Variants in MTO1 observed in about 807,000 individuals in gnomAD.
MTO1 encodes 5-taurinomethyluridine-[tRNA] synthase subunit MTO1, mitochondrial.
In MTO1, 46 loss-of-function variants were observed where a neutral mutation model predicts 71.6. That is an observed-to-expected ratio of 0.64 (90% CI 0.51 to 0.82). MTO1 has a LOEUF of 0.82. Among genes scored for constraint, MTO1 ranks in the 40% least tolerant of loss-of-function variants. MTO1 has a pLI of 0.00. For synonymous variants in MTO1, 297 were observed against 312.1 expected (o/e 0.95, Z 0.51); for missense variants, 773 against 867.5 (o/e 0.89, Z 1.37).
At chr6:73,473,720 A>AATT in intron 4 of MTO1, 66 bp downstream of exon 4, 3 of 1,039,462 alleles carry the variant, frequency 2.9e-6, no homozygotes, top group Non-Finnish European at 3.8e-6. Context: ...AAGTACTGTA[A>AATT]CTTTTTTTTT....
At chr6:73,480,651 T>C in intron 6 of MTO1, 24 bp from the exon 7 acceptor site, 1 of 1,612,736 alleles carries the variant, frequency 6.2e-7, no homozygotes, top group Non-Finnish European at 8.5e-7. Flanking sequence ...ATTTACTTAT[T>C]TAATGTCTTT....
intron 9 of MTO1, 148 bp from the exon 10 acceptor site, chr6:73,492,086 A>C: frequency 1.9e-6 from 1 of 537,952 alleles, no homozygotes; most frequent in Non-Finnish European, 3.3e-6. Flanking sequence ...GATGGGCGAC[A>C]GAGCGAGACT....
chr6:73,461,951 C>A lies in MTO1; in HGVS notation c.97C>A (p.Arg33=). 1.2e-6 allele frequency: 2 copies of A among 1,614,240 alleles called. No individual in the cohort carries two copies. The highest frequency in any genetic ancestry group is 1.7e-6 in the Non-Finnish European group (2 of 1,180,038). ...ARLSSDSAAP[R]TPHFDVIVIG... ...GTTGAGCAGTGACAGCGCGGCGCCCCGGACTCCGCACTTCGACGTGATAGT... is the reference window on the plus strand; with the variant it reads ...GTTGAGCAGTGACAGCGCGGCGCCCAGGACTCCGCACTTCGACGTGATAGT... The change falls in exon 1 of 12, where the codon CGG becomes AGG. Residue 33 remains arginine, a synonymous_variant. Coordinates refer to ENST00000498286, the MANE Select transcript of MTO1 (RefSeq NM_012123.4).
chr6:73,498,827 C>T (rs376306059), intron 11 of MTO1, among the ~76,000 whole-genome samples: 35 of 151,768 alleles, frequency 2.3e-4, no homozygotes, highest in African/African-American at 6.8e-4. Context: ...TGGGTTCAAG[C>T]GATTCCCCTA....
rs1247698676 is a variant in MTO1, at chr6:73,507,389, A to T, written c.*6654A>T. On this transcript the variant is annotated 3_prime_UTR_variant, in exon 12 of 12. Coordinates refer to ENST00000498286, the MANE Select transcript of MTO1 (RefSeq NM_012123.4). ...CACAGTCAAAAGTTTGAAAAAACAC[A>T]ATCTGTTTGAACAGCACTACTTTCT... 6.6e-6 allele frequency: 1 copy of T among 152,222 alleles called. No individual in the cohort carries two copies. The allele number at this position is 152,222 out of a possible 1,614,324, so 9.4% of individuals were successfully genotyped here.
At chr6:73,475,119 A>AT (rs1771273132) in intron 4 of MTO1, among the ~76,000 whole-genome samples, 1 of 151,594 alleles carries the variant, frequency 6.6e-6, no homozygotes, top group Non-Finnish European at 1.5e-5. Context: ...ATTTTAAAAA[A>AT]TTTTTTCATT....
At chr6:73,485,341 A>G (rs1429773527) in intron 9 of MTO1, among the ~76,000 whole-genome samples, 1 of 152,206 alleles carries the variant, frequency 6.6e-6, no homozygotes, top group Admixed American at 6.6e-5. Context: ...TAATTTGGCC[A>G]GATTCCTTTT....
chr6:73,492,143 T>G, intron 9 of MTO1, 91 bp from the exon 10 acceptor site: 5 of 823,526 alleles, frequency 6.1e-6, no homozygotes, highest in East Asian at 2.5e-5. Flanking sequence ...GTATTTATTC[T>G]GAGATCTGAT....
chr6:73,469,339 A>G (rs1771081299), intron 3 of MTO1, among the ~76,000 whole-genome samples: 3 of 151,738 alleles, frequency 2.0e-5, no homozygotes. Flanking sequence ...TAAATGAGGC[A>G]CTAGGTCGGG....
chr6:73,465,481 A>G (rs1770960081), intron 1 of MTO1, among the ~76,000 whole-genome samples: 1 of 151,688 alleles, frequency 6.6e-6, no homozygotes, highest in Non-Finnish European at 1.5e-5. Context: ...TTATTTATTT[A>G]TTTATTTTTG....
chr6:73,493,388 GTT>G (rs1771882803), intron 10 of MTO1, among the ~76,000 whole-genome samples: 2 of 146,380 alleles, frequency 1.4e-5, no homozygotes, highest in African/African-American at 5.2e-5. Flanking sequence ...GTGTGTGTGT[GTT>G]TTGGTTTTTT....
chr6:73,509,175 G>T lies in MTO1; in HGVS notation c.*8440G>T, dbSNP rs1379926395. On this transcript the variant is annotated 3_prime_UTR_variant, in exon 12 of 12. Coordinates refer to ENST00000498286, the MANE Select transcript of MTO1 (RefSeq NM_012123.4). ...ATTAGCCATCTGGTATTTAACCTCTGAAAACCACACAATCTTCTATACGCT... is the reference window on the plus strand; with the variant it reads ...ATTAGCCATCTGGTATTTAACCTCTTAAAACCACACAATCTTCTATACGCT... The T allele has an allele frequency of 6.6e-6, 1 of 152,138 alleles. No individual in the cohort carries two copies. The allele number at this position is 152,138 out of a possible 1,614,324, so 9.4% of individuals were successfully genotyped here.
At chr6:73,481,950 C>T in intron 7 of MTO1, 90 bp from the exon 8 acceptor site, 7 of 1,393,010 alleles carry the variant, frequency 5.0e-6, no homozygotes, top group Non-Finnish European at 7.1e-6. Context: ...TTCTTCCTGT[C>T]CCATGCCATT....
chr6:73,489,430 C>T (rs911569667), intron 9 of MTO1, among the ~76,000 whole-genome samples: 6 of 145,372 alleles, frequency 4.1e-5, no homozygotes, highest in South Asian at 2.3e-4. Flanking sequence ...TGCTATCCCT[C>T]ACCCCTCCCC....
chr6:73,504,662 G>A lies in MTO1; in HGVS notation c.*3927G>A, dbSNP rs1242064975. On this transcript the variant is annotated 3_prime_UTR_variant, in exon 12 of 12. Transcript: ENST00000498286. ...ATCCCAGCACTTTGGGAGGCCAGGC[G>A]GATCACTTGAGCTCAGCAGTTCAAG... 1.3e-5 allele frequency: 2 copies of A among 152,180 alleles called. No homozygotes were observed. Among genetic ancestry groups the A allele is most frequent in the Admixed American group, 1.3e-4 (2 of 15,264 alleles). The allele number at this position is 152,180 out of a possible 1,614,324, so 9.4% of individuals were successfully genotyped here. A position where few individuals can be genotyped will look rare whatever the true frequency, so the allele number is the denominator to read the frequency against.
rs1431919941 is a variant in MTO1 at position 73,473,445 on chromosome 6, G to C, written c.616G>C (p.Glu206Gln). ...GAGAGGCATGATTGTAATTGGATTGGAGACGCATCCAGCAGGACGTTTAGG... is the reference window on the plus strand; with the variant it reads ...GAGAGGCATGATTGTAATTGGATTGCAGACGCATCCAGCAGGACGTTTAGG... ...FLRGMIVIGL[E>Q]THPAGRLGDQ... Residue 206 changes from glutamate to glutamine, a missense_variant, in exon 4 of 12, where the codon GAG becomes CAG. Transcript: ENST00000498286. 1 of 1,614,058 alleles carries C rather than the reference G, an allele frequency of 6.2e-7. No individual in the cohort carries two copies. Among genetic ancestry groups the C allele is most frequent in the East Asian group, 2.2e-5 (1 of 44,896 alleles).
chr6:73,486,651 T>G (rs1413010256), intron 9 of MTO1: 2 of 424,246 alleles, frequency 4.7e-6, no homozygotes, highest in Non-Finnish European at 9.5e-6. Context: ...GGCAGGAGAA[T>G]CGTTTGAACC....
In MTO1 at chr6:73,482,162, A is replaced by G; in HGVS notation, c.1383A>G (p.Glu461=). Reference sequence around the variant, plus strand: ...ACCTCACTACTCTGGGCACCAGTGAACCATACCGCATGTTTACCAGCCGAG... The same window carrying G: ...ACCTCACTACTCTGGGCACCAGTGAGCCATACCGCATGTTTACCAGCCGAG... ...IDDLTTLGTS[E]PYRMFTSRVE... Residue 461 remains glutamate (E), a synonymous_variant, in exon 8 of 12, where the codon GAA becomes GAG. Transcript: ENST00000498286. 6 of 1,614,158 alleles carry G rather than the reference A, an allele frequency of 3.7e-6. No homozygotes were observed. Among genetic ancestry groups the G allele is most frequent in the Non-Finnish European group, 4.2e-6 (5 of 1,180,020 alleles).
At chr6:73,475,790 G>A (rs561345336) in intron 4 of MTO1, among the ~76,000 whole-genome samples, 1 of 152,110 alleles carries the variant, frequency 6.6e-6, no homozygotes, top group Non-Finnish European at 1.5e-5. Context: ...GGGATTACAG[G>A]TGTGAGCCAT....
Sources: allele counts gnomAD v4.1 joint callset (sites outside exome capture counted in the v4.1 genomes callset), GRCh38; gene constraint gnomAD v4.1.1; transcripts MANE v1.5; gene names NCBI Gene and HGNC (gene_info 2026-07-23, HGNC 2026-07-21).